Variants in SEMA4A observed in about 807,000 individuals in gnomAD.
SEMA4A encodes the protein semaphorin-4A.
SEMA4A carries 52 observed loss-of-function variants against 72.5 expected under a neutral mutation model. The ratio of observed to expected loss-of-function variants is 0.72; its 90% confidence interval spans 0.57 to 0.90. SEMA4A has a LOEUF of 0.90. SEMA4A is among the 40% of genes least tolerant of loss of function. The pLI, the probability that SEMA4A is intolerant of heterozygous loss-of-function variation, is 0.00. For synonymous variants in SEMA4A, 369 were observed against 393.1 expected (o/e 0.94, Z 0.73); for missense variants, 926 against 959.7 (o/e 0.96, Z 0.46).
chr1:156,152,634 G>A (rs1405854814), upstream of SEMA4A, among the ~76,000 whole-genome samples: 1 of 152,114 alleles, frequency 6.6e-6, no homozygotes, highest in East Asian at 1.9e-4. Context: ...CAACCCCCGG[G>A]GAAACTGAGA....
At chr1:156,154,400 C>G in intron 1 of SEMA4A, 150 bp from the exon 2 acceptor site, 1 of 679,526 alleles carries the variant, frequency 1.5e-6, no homozygotes, top group African/African-American at 1.8e-5. Context: ...CGTCTTAGGG[C>G]CCTTCCAGAT....
intron 10 of SEMA4A, among the ~76,000 whole-genome samples, chr1:156,165,664 T>G (rs558099209): frequency 6.6e-6 from 1 of 152,118 alleles, no homozygotes; most frequent in South Asian, 2.1e-4. Flanking sequence ...CTTTTTTTTT[T>G]GTTTTTTTTA....
At chr1:156,175,533 T>G in intron 13 of SEMA4A, 23 bp from the exon 14 acceptor site, 1 of 1,587,202 alleles carries the variant, frequency 6.3e-7, no homozygotes, top group East Asian at 2.2e-5. Flanking sequence ...GAAGGATAAT[T>G]TTTACTTTCT....
chr1:156,162,869 C>T lies in SEMA4A; in HGVS notation c.984-75C>T, dbSNP rs989899062. The stretch of plus-strand genomic sequence containing the variant: ...CACTCTTGCCTCCTGGGTTTTCTCA[C>T]TGAGGGCCAGCGCTGGAGAGAGAGC... On this transcript the variant is annotated intron_variant, in intron 9 of 14. Transcript: ENST00000368285. The T allele has an allele frequency of 4.4e-6, 7 of 1,593,268 alleles. No individual in the cohort carries two copies. The African/African-American group carries it at 8.1e-5, about 18-fold the overall frequency.
At chr1:156,172,142 G>A (rs1654858594) in intron 10 of SEMA4A, among the ~76,000 whole-genome samples, 1 of 148,708 alleles carries the variant, frequency 6.7e-6, no homozygotes, top group Non-Finnish European at 1.5e-5. Flanking sequence ...ATTTGAGACG[G>A]AGTCTCTCTC....
chr1:156,173,946 T>C (rs1655057185), intron 11 of SEMA4A, among the ~76,000 whole-genome samples: 1 of 152,074 alleles, frequency 6.6e-6, no homozygotes, highest in South Asian at 2.1e-4. Context: ...CCGTTTCTAC[T>C]AAAAATACAA....
rs374557790 is a variant in SEMA4A at position 156,168,291 on chromosome 1, G to A, written c.1135-4535G>A. ...GGCTGGGGTGCAGTGGCACGATCTCGGCTCACTGCAACCTCCACCTCCCTG... is the reference window on the plus strand; with the variant it reads ...GGCTGGGGTGCAGTGGCACGATCTCAGCTCACTGCAACCTCCACCTCCCTG... On this transcript the variant is annotated intron_variant, in intron 10 of 14. Coordinates refer to ENST00000368285, the MANE Select transcript of SEMA4A (RefSeq NM_022367.4). Among the ~76,000 whole-genome samples, 221 of 146,576 alleles carry A rather than the reference G, an allele frequency of 1.5e-3. 2 individuals carry two copies. In the South Asian group the frequency reaches 0.024, roughly 16 times the overall value.
upstream of SEMA4A, chr1:156,147,503 T>C (rs1219915555): frequency 6.6e-6 from 1 of 152,230 alleles, no homozygotes; most frequent in Non-Finnish European, 1.5e-5. Flanking sequence ...ATGCCAGAAC[T>C]CTGGGACTAT....
intron 10 of SEMA4A, among the ~76,000 whole-genome samples, chr1:156,166,843 C>T (rs1654211791): frequency 6.6e-6 from 1 of 151,970 alleles, no homozygotes; most frequent in African/African-American, 2.4e-5. Context: ...GCAGAAGAAT[C>T]TCTTGAACCC....
chr1:156,164,525 C>T (rs1436737944), intron 10 of SEMA4A, among the ~76,000 whole-genome samples: 2 of 152,148 alleles, frequency 1.3e-5, no homozygotes, highest in Non-Finnish European at 2.9e-5. Flanking sequence ...GTATACATCA[C>T]GGAAATCAGC....
intron 6 of SEMA4A, 117 bp downstream of exon 6, chr1:156,158,941 C>A: frequency 1.2e-6 from 1 of 807,944 alleles, no homozygotes; most frequent in Non-Finnish European, 2.1e-6. Flanking sequence ...GTGATGCGTG[C>A]ATATGGTCCC....
chr1:156,175,707 T>C (rs767535837), intron 14 of SEMA4A, 51 bp downstream of exon 14: 77 of 1,367,414 alleles, frequency 5.6e-5, no homozygotes, highest in Non-Finnish European at 7.1e-5. Context: ...TGGAAGACTT[T>C]TGGGCAGGGG....
chr1:156,161,082 AT>A, intron 8 of SEMA4A, 53 bp downstream of exon 8: 1 of 1,537,768 alleles, frequency 6.5e-7, no homozygotes, highest in South Asian at 1.1e-5. Flanking sequence ...CAATAGGGAG[AT>A]GGCAGGGGCA....
chr1:156,150,571 A>G (rs531991061), upstream of SEMA4A, among the ~76,000 whole-genome samples: 1 of 152,104 alleles, frequency 6.6e-6, no homozygotes, highest in South Asian at 2.1e-4. Context: ...GACCTGCCAG[A>G]TCACTCGTGA....
intron 10 of SEMA4A, among the ~76,000 whole-genome samples, chr1:156,170,927 A>AT (rs202200052): frequency 7.9e-5 from 12 of 151,152 alleles, no homozygotes; most frequent in South Asian, 2.1e-4. Context: ...TCAAAAAACA[A>AT]TTTTTTAAAA....
chr1:156,175,211 C>T lies in SEMA4A; in HGVS notation c.1560C>T (p.Ser520=). 2 of 1,613,704 alleles carry T rather than the reference C, an allele frequency of 1.2e-6. No homozygotes were observed. The highest frequency in any genetic ancestry group is 1.7e-6 in the Non-Finnish European group (2 of 1,179,756). The part of the protein sequence containing the change: ...RDPHCAWDPE[S]RTCCLLSAPN... ...CCCACTGTGCCTGGGACCCTGAGTC[C>T]CGAACCTGTTGCCTCCTGTCTGCCC... The change falls in exon 13 of 15, where the codon TCC becomes TCT. Residue 520 remains serine (S), a synonymous_variant. Coordinates refer to ENST00000368285, the MANE Select transcript of SEMA4A (RefSeq NM_022367.4).
chr1:156,159,040 A>T (rs1223206379), intron 6 of SEMA4A: 2 of 564,698 alleles, frequency 3.5e-6, no homozygotes, highest in Non-Finnish European at 6.3e-6. Flanking sequence ...TCAAAAAAAA[A>T]AAAAAAAAGC....
At chr1:156,161,079 G>C in intron 8 of SEMA4A, 50 bp downstream of exon 8, 1 of 1,593,646 alleles carries the variant, frequency 6.3e-7, no homozygotes, top group Non-Finnish European at 8.5e-7. Flanking sequence ...AACCAATAGG[G>C]AGATGGCAGG....
chr1:156,163,155 C>G, intron 10 of SEMA4A, 61 bp downstream of exon 10: 3 of 1,580,514 alleles, frequency 1.9e-6, no homozygotes, highest in African/African-American at 2.7e-5. Flanking sequence ...TGAAAAAACA[C>G]CTATCATGGC....
Sources: gnomAD v4.1 joint callset for allele counts (sites outside exome capture counted in the v4.1 genomes callset) on GRCh38, gnomAD v4.1.1 for gene constraint, MANE v1.5 for transcripts, NCBI Gene and HGNC (gene_info 2026-07-23, HGNC 2026-07-21) for gene names.